TEKT3: variants seen among roughly 807,000 people sequenced by gnomAD.
TEKT3 encodes tektin-3.
TEKT3 carries 49 observed loss-of-function variants against 49.8 expected under a neutral mutation model. The observed-to-expected ratio is 0.98, with a 90% CI of 0.78 to 1.25. The LOEUF is 1.25. TEKT3 is among the 50% of genes most tolerant of loss of function. TEKT3 has a pLI of 0.00. For synonymous variants in TEKT3, 225 were observed against 237.2 expected, an observed-to-expected ratio of 0.95 and a Z score of 0.47; for missense variants, 595 against 629.5, an observed-to-expected ratio of 0.95 and a Z score of 0.59.
At chr17:15,318,989 A>G (rs1260918863) in intron 5 of TEKT3, 88 bp downstream of exon 5, 6 of 1,099,280 alleles carry the variant, frequency 5.5e-6, no homozygotes, top group Non-Finnish European at 8.0e-6. Flanking sequence ...GTGTGTCCTT[A>G]TAAGAAATTA....
chr17:15,321,949 G>C (rs1911286000), intron 4 of TEKT3, among the ~76,000 whole-genome samples: 1 of 152,188 alleles, frequency 6.6e-6, no homozygotes, highest in Non-Finnish European at 1.5e-5. Flanking sequence ...AGACTTCACA[G>C]CCTTTTACTT....
In TEKT3 at chr17:15,331,412, G is replaced by A. The variant is rs772195645; in HGVS notation, c.174C>T (p.Val58=). 6.8e-6 allele frequency: 11 copies of A among 1,613,986 alleles called. No individual in the cohort carries two copies. Among genetic ancestry groups the A allele is most frequent in the South Asian group, 2.2e-5 (2 of 91,078 alleles). ...GGGCCACGCTTGGGGAATTGGAGGC[G>A]ACTTTGTAGTATGTGCTGGGTCTCC... ...LPWRPSTYYK[V]ASNSPSVAPY... The change falls in exon 3 of 9, where the codon GTC becomes GTT. Residue 58 remains valine (V), a synonymous_variant. Coordinates refer to ENST00000395930, the MANE Select transcript of TEKT3 (RefSeq NM_031898.3).
At chr17:15,330,986 T>A (rs768459278) in intron 3 of TEKT3, 21 bp downstream of exon 3, 3 of 1,556,464 alleles carry the variant, frequency 1.9e-6, no homozygotes, top group East Asian at 2.3e-5. Flanking sequence ...AAATTCAGTG[T>A]GTTCTATCAT....
intron 4 of TEKT3, among the ~76,000 whole-genome samples, chr17:15,323,050 G>A (rs1911332764): frequency 6.6e-6 from 1 of 152,194 alleles, no homozygotes; most frequent in South Asian, 2.1e-4. Flanking sequence ...AAACCTAGGT[G>A]AGGAGTATAG....
At chr17:15,325,259 A>G (rs1056686469) in intron 4 of TEKT3, among the ~76,000 whole-genome samples, 1 of 152,152 alleles carries the variant, frequency 6.6e-6, no homozygotes, top group Non-Finnish European at 1.5e-5. Context: ...GAATTTTAGG[A>G]TCAGCTCACC....
chr17:15,316,174 T>G (rs1911000648), intron 5 of TEKT3, among the ~76,000 whole-genome samples: 1 of 152,250 alleles, frequency 6.6e-6, no homozygotes, highest in Non-Finnish European at 1.5e-5. Flanking sequence ...GCTGAAATTC[T>G]AGGACTAGAA....
At chr17:15,335,477 C>T (rs1455265817) in intron 2 of TEKT3, among the ~76,000 whole-genome samples, 1 of 152,108 alleles carries the variant, frequency 6.6e-6, no homozygotes, top group African/African-American at 2.4e-5. Context: ...ACTAGAGAGG[C>T]CACACGTTAG....
chr17:15,319,488 T>C (rs1911162416), intron 4 of TEKT3, among the ~76,000 whole-genome samples: 1 of 152,180 alleles, frequency 6.6e-6, no homozygotes, highest in East Asian at 1.9e-4. Flanking sequence ...CAAGGTCAAA[T>C]TTAAATGCAC....
At position 15,325,459 on chromosome 17, in the gene TEKT3, T is replaced by C. The variant is rs555061140; in HGVS notation, c.663+2533A>G. Among the ~76,000 whole-genome samples the C allele has an allele frequency of 7.9e-5, 12 of 152,250 alleles. No homozygotes were observed. The South Asian group carries it at 2.5e-3, about 32-fold the overall frequency. ...CAATATTTTGAATTTCTGAGGCACT[T>C]GTTCTTTACTCTGCCTAGTCATTAA... On this transcript the variant is annotated intron_variant, in intron 4 of 8. Coordinates refer to ENST00000395930, the MANE Select transcript of TEKT3 (RefSeq NM_031898.3).
intron 7 of TEKT3, 179 bp from the exon 8 acceptor site, chr17:15,308,997 C>A (rs1910658729): frequency 1.4e-6 from 1 of 692,390 alleles, no homozygotes; most frequent in African/African-American, 1.8e-5. Flanking sequence ...ACGTGTCTCA[C>A]TGGAGCTGGC....
At chr17:15,306,249 A>C (rs1005108800) in intron 8 of TEKT3, among the ~76,000 whole-genome samples, 2 of 152,108 alleles carry the variant, frequency 1.3e-5, no homozygotes, top group African/African-American at 2.4e-5. Flanking sequence ...AACATTTTTA[A>C]ATAAAAGTAA....
At chr17:15,309,502 T>G (rs1388436425) in intron 7 of TEKT3, among the ~76,000 whole-genome samples, 1 of 152,192 alleles carries the variant, frequency 6.6e-6, no homozygotes, top group East Asian at 1.9e-4. Context: ...GTCCCTGTCC[T>G]ATGCTCTGAA....
rs1243139322 is a variant in TEKT3 at position 15,340,017 on chromosome 17, T to C, written c.-30+11A>G. On this transcript the variant is annotated intron_variant, in intron 2 of 8. Transcript: ENST00000395930. The stretch of plus-strand genomic sequence containing the variant: ...ATGGTGGTATCCAGTAAAGTTGAAA[T>C]GGCAAATTACCTGTGACTCAGCAAT... The C allele has an allele frequency of 6.6e-6, 1 of 152,204 alleles. No homozygotes were observed. The highest frequency in any genetic ancestry group is 2.4e-5 in the African/African-American group (1 of 41,454). The allele number at this position is 152,204 out of a possible 1,614,324, so 9.4% of individuals were successfully genotyped here.
chr17:15,322,518 C>T (rs1911310514), intron 4 of TEKT3, among the ~76,000 whole-genome samples: 2 of 152,188 alleles, frequency 1.3e-5, no homozygotes, highest in African/African-American at 2.4e-5. Flanking sequence ...ATATGCACCA[C>T]ATCACAGAAA....
intron 4 of TEKT3, among the ~76,000 whole-genome samples, chr17:15,320,634 G>A (rs1247012173): frequency 6.6e-6 from 1 of 152,128 alleles, no homozygotes; most frequent in Non-Finnish European, 1.5e-5. Flanking sequence ...TCACCCTACT[G>A]TCTGGTTGTT....
intron 4 of TEKT3, among the ~76,000 whole-genome samples, chr17:15,324,410 A>G (rs1014591132): frequency 1.3e-5 from 2 of 152,188 alleles, no homozygotes; most frequent in African/African-American, 4.8e-5. Flanking sequence ...ATATCCATGC[A>G]CAAATTTTTG....
chr17:15,337,406 A>G (rs1045570704), intron 2 of TEKT3, among the ~76,000 whole-genome samples: 1 of 152,214 alleles, frequency 6.6e-6, no homozygotes, highest in Non-Finnish European at 1.5e-5. Context: ...AAAACAGGAA[A>G]ATGATACAAA....
chr17:15,319,308 C>G (rs1275324706), intron 4 of TEKT3, among the ~76,000 whole-genome samples, 161 bp from the exon 5 acceptor site: 1 of 152,160 alleles, frequency 6.6e-6, no homozygotes, highest in African/African-American at 2.4e-5. Context: ...TCTACATGCT[C>G]CATGATACTG....
intron 4 of TEKT3, among the ~76,000 whole-genome samples, chr17:15,326,683 A>C (rs1221936501): frequency 1.3e-5 from 2 of 152,318 alleles, no homozygotes; most frequent in East Asian, 3.9e-4. Flanking sequence ...CAGAAGAAAA[A>C]AAGTTACCAA....
Sources: allele counts gnomAD v4.1 joint callset (sites outside exome capture counted in the v4.1 genomes callset), GRCh38; gene constraint gnomAD v4.1.1; transcripts MANE v1.5; gene names NCBI Gene and HGNC (gene_info 2026-07-23, HGNC 2026-07-21).